Variants in IL10RB observed in about 807,000 individuals in gnomAD.
IL10RB encodes interleukin-10 receptor subunit beta.
In IL10RB, 30 loss-of-function variants were observed where a neutral mutation model predicts 38.7. The observed-to-expected ratio is 0.78, with a 90% CI of 0.58 to 1.05. The LOEUF is 1.05. Among genes scored for constraint, IL10RB ranks in the 50% least tolerant of loss-of-function variants. The pLI is 0.00. For synonymous variants in IL10RB, 142 were observed against 145.9 expected (o/e 0.97, Z 0.19); for missense variants, 328 against 397.1 (o/e 0.83, Z 1.48).
chr21:33,307,630 A>G (rs1159118537), intron 1 of IL10RB, among the ~76,000 whole-genome samples: 2 of 152,124 alleles, frequency 1.3e-5, no homozygotes, highest in African/African-American at 2.4e-5. Context: ...CCAGAGACAC[A>G]TCTGTCTCAG....
rs778886949 is a variant in IL10RB, at chr21:33,296,284, CTG to C, written c.906_907del (p.Ser304ArgfsTer7). ...AAGCTAAGTGTCATTGCAGAAGACT[CTG>C]AGAGCGGCAAGCAGAATCCTGGTGA... On this transcript the variant is annotated frameshift_variant, in exon 7 of 7. Transcript: ENST00000290200. LOFTEE classifies it high-confidence loss of function. The C allele has an allele frequency of 2.5e-6, 4 of 1,614,168 alleles. No homozygotes were observed. Among genetic ancestry groups the C allele is most frequent in the Non-Finnish European group, 3.4e-6 (4 of 1,180,022 alleles).
intron 3 of IL10RB, among the ~76,000 whole-genome samples, chr21:33,279,505 A>T (rs762192390): frequency 1.4e-4 from 22 of 152,250 alleles, no homozygotes; most frequent in Non-Finnish European, 2.9e-4. Flanking sequence ...GAATAATTCC[A>T]AATGTATCAG....
intron 6 of IL10RB, among the ~76,000 whole-genome samples, chr21:33,295,283 G>C (rs1271821988): frequency 6.7e-6 from 1 of 149,412 alleles, no homozygotes; most frequent in Admixed American, 6.7e-5. Context: ...GCGTGAACCC[G>C]AGAGGTGGAG....
chr21:33,280,164 G>C (rs565748374), intron 4 of IL10RB, among the ~76,000 whole-genome samples: 1 of 152,188 alleles, frequency 6.6e-6, no homozygotes, highest in African/African-American at 2.4e-5. Flanking sequence ...GCAGGGGAAG[G>C]CACAGTTGAG....
intron 2 of IL10RB, among the ~76,000 whole-genome samples, chr21:33,270,954 C>T (rs959243047): frequency 2.6e-5 from 4 of 152,202 alleles, no homozygotes; most frequent in Non-Finnish European, 4.4e-5. Flanking sequence ...GGATTACAGG[C>T]GTGAGCTACC....
At position 33,288,253 on chromosome 21, in the gene IL10RB, C is replaced by T. The variant is rs1388274627; in HGVS notation, c.796C>T (p.Leu266=). The T allele has an allele frequency of 1.9e-6, 3 of 1,613,746 alleles. No homozygotes were observed. The highest frequency in any genetic ancestry group is 2.5e-6 in the Non-Finnish European group (3 of 1,179,738). ...CCCTAGGAATTCTCTTCCACAGCAC[C>T]TGAAAGAGGTAGGTAGGATGGAGTG... ...FSPRNSLPQH[L]KEFLGHPHHN... Residue 266 remains leucine (L), a synonymous_variant, in exon 6 of 7, where the codon CTG becomes TTG. Transcript: ENST00000290200.
In IL10RB at chr21:33,291,309, A is replaced by C. The variant is rs191989588; in HGVS notation, c.804+3048A>C. 1.8e-4 allele frequency among the ~76,000 whole-genome samples: 27 copies of C among 151,928 alleles called. 1 individual carries two copies. Among genetic ancestry groups the C allele is most frequent in the Admixed American group, 1.7e-3 (26 of 15,242 alleles). ...GAGACGGAGTCTCACTCTGTCACCC[A>C]GGCTGGAGTGGAGTGGCATGATTTC... On this transcript the variant is annotated intron_variant, in intron 6 of 6. Transcript: ENST00000290200.
intron 3 of IL10RB, 98 bp downstream of exon 3, chr21:33,276,851 A>G (rs1212572158): frequency 4.2e-6 from 4 of 945,156 alleles, no homozygotes; most frequent in Non-Finnish European, 6.8e-6. Flanking sequence ...TTGAGGGCCC[A>G]CAAATGGATG....
chr21:33,283,638 G>T (rs1463016665), intron 5 of IL10RB, among the ~76,000 whole-genome samples: 1 of 152,178 alleles, frequency 6.6e-6, no homozygotes, highest in African/African-American at 2.4e-5. Flanking sequence ...TCCAGCCACT[G>T]CCGACATGTG....
intron 5 of IL10RB, among the ~76,000 whole-genome samples, chr21:33,284,296 CAAA>C (rs59098773): frequency 1.0e-4 from 7 of 69,120 alleles, no homozygotes; most frequent in Admixed American, 1.7e-4. Flanking sequence ...GACCCTGCCT[CAAA>C]AAAAAAAAAA....
At chr21:33,277,291 C>T (rs917089615) in intron 3 of IL10RB, among the ~76,000 whole-genome samples, 5 of 150,842 alleles carry the variant, frequency 3.3e-5, no homozygotes, top group South Asian at 2.1e-4. Flanking sequence ...GCCGAGATCA[C>T]GCCACTGCAC....
At chr21:33,288,291 G>C (rs1193279573) in intron 6 of IL10RB, 30 bp downstream of exon 6, 4 of 1,604,840 alleles carry the variant, frequency 2.5e-6, no homozygotes, top group Non-Finnish European at 3.4e-6. Context: ...ATGTGGATTT[G>C]AAAACCTTGA....
intron 5 of IL10RB, among the ~76,000 whole-genome samples, chr21:33,287,705 T>C (rs1989400484): frequency 6.6e-6 from 1 of 152,064 alleles, no homozygotes; most frequent in Non-Finnish European, 1.5e-5. Context: ...ACGCAGAGTT[T>C]CTGTTTTTCT....
At chr21:33,292,924 C>T (rs1370131430) in intron 6 of IL10RB, among the ~76,000 whole-genome samples, 65 of 152,336 alleles carry the variant, frequency 4.3e-4, no homozygotes, top group Admixed American at 3.9e-3. Flanking sequence ...GGGGCCCCTC[C>T]GTGCCAGCAG....
Position 33,286,195 on chromosome 21 carries a change from C to T in IL10RB, c.647-1909C>T, listed in dbSNP as rs560342315. ...TTTAAGGAGTGTGCACTGTGAGCCA[C>T]GCACTGTGACAAGCACCATGTCGTG... is the stretch of plus-strand genomic sequence containing the variant. On this transcript the variant is annotated intron_variant, in intron 5 of 6. Coordinates refer to ENST00000290200, the MANE Select transcript of IL10RB (RefSeq NM_000628.5). Among the ~76,000 whole-genome samples, 8 of 152,326 alleles carry T rather than the reference C, an allele frequency of 5.3e-5. No individual in the cohort carries two copies. The East Asian group carries it at 9.6e-4, about 18-fold the overall frequency.
rs189577577 is a variant in IL10RB at position 33,294,198 on chromosome 21, G to A, written c.805-1986G>A. The A allele has an allele frequency of 3.6e-5, 13 of 359,936 alleles. No individual in the cohort carries two copies. The East Asian group carries it at 7.1e-4, about 20-fold the overall frequency. The allele number at this position is 359,936 out of a possible 1,614,324, so 22.3% of individuals were successfully genotyped here. On this transcript the variant is annotated intron_variant, in intron 6 of 6. Coordinates refer to ENST00000290200, the MANE Select transcript of IL10RB (RefSeq NM_000628.5). ...GGGCCAGGCAACTACGGAGCAGTTCGAGGTCCTCACATCACGACTTTCTCC... is the reference window on the plus strand; with the variant it reads ...GGGCCAGGCAACTACGGAGCAGTTCAAGGTCCTCACATCACGACTTTCTCC...
rs142803566 is a variant in IL10RB, at chr21:33,284,583, C to T, written c.646+1342C>T. ...GGATGTTGCCCTCATCCAGATCTCA[C>T]GCTGAAATGTAATCCCCAGTGCTGG... On this transcript the variant is annotated intron_variant, in intron 5 of 6. Coordinates refer to ENST00000290200, the MANE Select transcript of IL10RB (RefSeq NM_000628.5). Among the ~76,000 whole-genome samples, 67 of 152,284 alleles carry T rather than the reference C, an allele frequency of 4.4e-4. No homozygotes were observed. The East Asian group carries it at 5.8e-3, about 13-fold the overall frequency.
At chr21:33,282,930 ACCC>A (rs1989305676) in intron 4 of IL10RB, among the ~76,000 whole-genome samples, 161 bp from the exon 5 acceptor site, 1 of 151,370 alleles carries the variant, frequency 6.6e-6, no homozygotes. Flanking sequence ...TCCTTGATGC[ACCC>A]CCTGAGTGGC....
chr21:33,290,295 A>C (rs1183699152), intron 6 of IL10RB, among the ~76,000 whole-genome samples: 2 of 151,994 alleles, frequency 1.3e-5, no homozygotes, highest in Non-Finnish European at 2.9e-5. Context: ...CTCAAAATTT[A>C]AAAAATTTTA....
Sources: gnomAD v4.1 joint callset for allele counts (sites outside exome capture counted in the v4.1 genomes callset) on GRCh38, gnomAD v4.1.1 for gene constraint, MANE v1.5 for transcripts, NCBI Gene and HGNC (gene_info 2026-07-23, HGNC 2026-07-21) for gene names.